Variants in ZCWPW1 observed in about 807,000 individuals in gnomAD.
ZCWPW1 encodes zinc finger CW-type and PWWP domain containing 1.
ZCWPW1 carries 56 observed loss-of-function variants against 81.3 expected under a neutral mutation model. The ratio of observed to expected loss-of-function variants is 0.69; its 90% CI spans 0.56 to 0.86. The LOEUF (loss-of-function observed/expected upper bound fraction) is 0.86, where lower values mean the gene tolerates loss of function less well. ZCWPW1 is among the 40% of genes least tolerant of loss of function. The probability of loss-of-function intolerance (pLI) is 0.00; values close to 1 mark genes in which losing one functional copy is unlikely to be tolerated. For synonymous variants in ZCWPW1, 250 were observed against 273.7 expected, an observed-to-expected ratio of 0.91 and a Z score of 0.86; for missense variants, 650 against 769.8, an observed-to-expected ratio of 0.84 and a Z score of 1.84.
chr7:100,421,907 G>A (rs2085859057), intron 2 of ZCWPW1, among the ~76,000 whole-genome samples: 1 of 152,024 alleles, frequency 6.6e-6, no homozygotes. Context: ...GGTCAGGCTG[G>A]TCTTGAACTC....
intron 1 of ZCWPW1, among the ~76,000 whole-genome samples, chr7:100,427,697 TAAAA>T (rs549307225): frequency 9.1e-6 from 1 of 109,952 alleles, no homozygotes; most frequent in East Asian, 2.6e-4. Context: ...AGACAGTCTT[TAAAA>T]AAAAAAAAAA....
At chr7:100,413,294 A>G (rs1257587438) in intron 8 of ZCWPW1, among the ~76,000 whole-genome samples, 1 of 152,196 alleles carries the variant, frequency 6.6e-6, no homozygotes, top group Non-Finnish European at 1.5e-5. Flanking sequence ...AGTTATCCAG[A>G]GCCACGTTCC....
chr7:100,419,495 A>G (rs1563145599), intron 4 of ZCWPW1, 135 bp downstream of exon 4: 1 of 1,439,208 alleles, frequency 6.9e-7, no homozygotes, highest in African/African-American at 1.4e-5. Context: ...AAAAAAAGGA[A>G]GCCCTCAAAA....
Position 100,419,765 on chromosome 7 carries a change from T to C in ZCWPW1, c.147A>G (p.Thr49=). Residue 49 remains threonine (T), a synonymous_variant, in exon 4 of 18, where the codon ACA becomes ACG. Transcript: ENST00000684423. ...CCTTTGGCAGGCTTATCCTGGCCTC[T>C]GTCTCTGGGGAACTGATCCCCGGGG... ...EETPGISSPE[T]EARISLPKAS... The C allele has an allele frequency of 6.2e-7, 1 of 1,614,176 alleles. No homozygotes were observed. Among genetic ancestry groups the C allele is most frequent in the Non-Finnish European group, 8.5e-7 (1 of 1,180,030 alleles).
chr7:100,415,228 G>A (rs1036863906), intron 8 of ZCWPW1, among the ~76,000 whole-genome samples: 4 of 151,204 alleles, frequency 2.6e-5, no homozygotes, highest in African/African-American at 9.7e-5. Context: ...GACTACAGGC[G>A]CATGCCACCA....
intron 3 of ZCWPW1, 24 bp downstream of exon 3, chr7:100,420,598 G>C: frequency 1.2e-6 from 2 of 1,613,876 alleles, no homozygotes; most frequent in Non-Finnish European, 8.5e-7. Flanking sequence ...TGTATGAAGC[G>C]AACCTCCCTC....
At chr7:100,413,988 A>G (rs1381746607) in intron 8 of ZCWPW1, among the ~76,000 whole-genome samples, 2 of 152,222 alleles carry the variant, frequency 1.3e-5, no homozygotes, top group Non-Finnish European at 2.9e-5. Context: ...CAGTACCCCA[A>G]AAGTTCTCAA....
chr7:100,419,694 G>C lies in ZCWPW1; in HGVS notation c.218C>G (p.Pro73Arg). 6.2e-7 allele frequency: 1 copy of C among 1,613,904 alleles called. No individual in the cohort carries two copies. Among genetic ancestry groups the C allele is most frequent in the Non-Finnish European group, 8.5e-7 (1 of 1,179,988 alleles). The change falls in exon 4 of 18, where the codon CCA becomes CGA. Residue 73 changes from proline to arginine, a missense_variant. Transcript: ENST00000684423. ...TCTTTTTTTCTCCTGTTCCCTGCTT[G>C]GAACATTCTTCATGGTTGCTTTTTC... The part of the protein sequence containing the change: ...KEEKATMKNV[P>R]SREQEKKRKA...
At position 100,419,173 on chromosome 7, in the gene ZCWPW1, G is replaced by C. The variant is rs373276094; in HGVS notation, c.299C>G (p.Thr100Ser). Residue 100 changes from threonine (T) to serine (S), a missense_variant, in exon 5 of 18, where the codon ACC becomes AGC. Thr to Ser is a moderately conservative substitution (Grantham distance 58). Coordinates refer to ENST00000684423, the MANE Select transcript of ZCWPW1 (RefSeq NM_001386010.1). ...GACAATCTCCTCAAATTCTGCATTG[G>C]TAAGACTTGATTTTTCCTGCAGAGA... is the stretch of plus-strand genomic sequence containing the variant. Reference protein sequence around the residue: ...EKKEKEKSSLTNAEFEEIVQI... With the variant: ...EKKEKEKSSLSNAEFEEIVQI... 51 of 1,612,756 alleles carry C rather than the reference G, an allele frequency of 3.2e-5. No homozygotes were observed. Among genetic ancestry groups the C allele is most frequent in the Non-Finnish European group, 4.0e-5 (47 of 1,179,496 alleles).
intron 14 of ZCWPW1, 132 bp downstream of exon 14, chr7:100,404,046 A>C (rs1792469437): frequency 4.1e-6 from 4 of 985,856 alleles, no homozygotes; most frequent in Admixed American, 5.2e-5. Flanking sequence ...TGACATTCAC[A>C]AGAGCCTCCT....
At chr7:100,423,885 G>A (rs559166754) in intron 2 of ZCWPW1, among the ~76,000 whole-genome samples, 7 of 152,034 alleles carry the variant, frequency 4.6e-5, no homozygotes, top group South Asian at 2.1e-4. Context: ...CCTGTTCAAC[G>A]TGGCGAAACC....
Position 100,401,180 on chromosome 7 carries a change from G to A in ZCWPW1, c.1784C>T (p.Pro595Leu). Reference sequence around the variant, plus strand: ...GACACTTCCAGCCTCCTGGGTCAGGGGTTCCCGGTGTCTGGGCTCTTCTTT... The same window carrying A: ...GACACTTCCAGCCTCCTGGGTCAGGAGTTCCCGGTGTCTGGGCTCTTCTTT... ...SAKEEPRHRE[P>L]LTQEAGSVPL... is the part of the protein sequence containing the mutation. The change falls in exon 18 of 18, where the codon CCC becomes CTC. Residue 595 changes from proline to leucine, a missense_variant. Coordinates refer to ENST00000684423, the MANE Select transcript of ZCWPW1 (RefSeq NM_001386010.1). The A allele has an allele frequency of 6.2e-7, 1 of 1,614,248 alleles. No individual in the cohort carries two copies. Among genetic ancestry groups the A allele is most frequent in the Non-Finnish European group, 8.5e-7 (1 of 1,180,040 alleles).
At chr7:100,409,252 G>A (rs1428953301) in intron 9 of ZCWPW1, among the ~76,000 whole-genome samples, 176 bp downstream of exon 9, 3 of 152,206 alleles carry the variant, frequency 2.0e-5, no homozygotes, top group Admixed American at 1.3e-4. Context: ...TCTTCCTCCA[G>A]CCTTTTCTGC....
intron 15 of ZCWPW1, among the ~76,000 whole-genome samples, chr7:100,403,203 C>G (rs946333453): frequency 9.9e-5 from 15 of 151,240 alleles, no homozygotes; most frequent in Non-Finnish European, 2.2e-4. Flanking sequence ...ACCCCAAGAT[C>G]CTTGTCTAAA....
chr7:100,422,701 T>C (rs1262096266), intron 2 of ZCWPW1, among the ~76,000 whole-genome samples: 1 of 152,188 alleles, frequency 6.6e-6, no homozygotes, highest in Non-Finnish European at 1.5e-5. Flanking sequence ...TAGTACCCAA[T>C]AGGTAGTTTT....
intron 1 of ZCWPW1, among the ~76,000 whole-genome samples, chr7:100,426,515 A>G (rs1351106158): frequency 6.8e-6 from 1 of 147,978 alleles, no homozygotes; most frequent in African/African-American, 2.5e-5. Flanking sequence ...AAAAAAAAGT[A>G]TATTTCAAAT....
chr7:100,402,955 C>G (rs954137333), intron 15 of ZCWPW1, among the ~76,000 whole-genome samples: 10 of 152,054 alleles, frequency 6.6e-5, no homozygotes, highest in African/African-American at 2.4e-4. Context: ...TGGAAAGAAA[C>G]AACTGGTATT....
intron 16 of ZCWPW1, 55 bp downstream of exon 16, chr7:100,402,461 A>C: frequency 6.3e-7 from 1 of 1,591,358 alleles, no homozygotes; most frequent in Admixed American, 1.7e-5. Context: ...CTCCCTCTCT[A>C]CCACTTCCCT....
intron 3 of ZCWPW1, 32 bp downstream of exon 3, chr7:100,420,590 T>C: frequency 1.7e-5 from 27 of 1,613,888 alleles, no homozygotes; most frequent in Non-Finnish European, 2.3e-5. Flanking sequence ...GAGAGAAATG[T>C]ATGAAGCGAA....
Sources: gnomAD v4.1 joint callset for allele counts (sites outside exome capture counted in the v4.1 genomes callset) on GRCh38, gnomAD v4.1.1 for gene constraint, MANE v1.5 for transcripts, NCBI Gene and HGNC (gene_info 2026-07-23, HGNC 2026-07-21) for gene names.